TMEM185B: variants seen among roughly 807,000 people sequenced by gnomAD.
TMEM185B encodes the protein transmembrane protein 185B.
TMEM185B carries 9 observed loss-of-function variants against 26.2 expected under a neutral mutation model. The ratio of observed to expected loss-of-function variants is 0.34; its 90% CI spans 0.21 to 0.60. The LOEUF (loss-of-function observed/expected upper bound fraction) is 0.60, where lower values mean the gene tolerates loss of function less well. TMEM185B is among the 20% of genes least tolerant of loss of function. TMEM185B has a pLI of 0.80. For synonymous variants in TMEM185B, 204 were observed against 191.8 expected, an observed-to-expected ratio of 1.06 and a Z score of -0.52; for missense variants, 392 against 447.9, an observed-to-expected ratio of 0.88 and a Z score of 1.13.
rs998904679 is a variant in TMEM185B at position 120,223,381 on chromosome 2, G to A, written c.-405C>T. 6.2e-4 allele frequency: 98 copies of A among 158,264 alleles called. No individual in the cohort carries two copies. The highest frequency in any genetic ancestry group is 1.2e-3 in the Non-Finnish European group (89 of 72,360). 9.8% of individuals were successfully genotyped at this position (158,264 alleles called of 1,614,324 possible). A position where few individuals can be genotyped will look rare whatever the true frequency, so the allele number is the denominator to read the frequency against. ...TGGGCGGACGCTTCCAGGCGACTCC[G>A]GGAACATGGAGGCGGGAGTGAGCTC... On this transcript the variant is annotated 5_prime_UTR_variant, in exon 1 of 1. Transcript: ENST00000426077.
rs910001175 is a variant in TMEM185B, at chr2:120,222,840, G to A, written c.137C>T (p.Pro46Leu). ...IQWSYWAVFAPIWLWKLLVVA... is the reference protein window; with the variant it reads ...IQWSYWAVFALIWLWKLLVVA... ...GACTAGAAGCTTCCACAGCCATATG[G>A]GGGCAAAGACGGCCCAGTAGCTCCA... Residue 46 changes from proline (P) to leucine (L), a missense_variant, in exon 1 of 1, where the codon CCC becomes CTC. Coordinates refer to ENST00000426077, the MANE Select transcript of TMEM185B (RefSeq NM_024121.3). 2 of 1,509,304 alleles carry A rather than the reference G, an allele frequency of 1.3e-6. No individual in the cohort carries two copies. The highest frequency in any genetic ancestry group is 1.8e-6 in the Non-Finnish European group (2 of 1,135,250). The allele number at this position is 1,509,304 out of a possible 1,614,324, so 93.5% of individuals were successfully genotyped here. A position where few individuals can be genotyped will look rare whatever the true frequency, so the allele number is the denominator to read the frequency against.
Position 120,220,693 on chromosome 2 carries a change from C to T in TMEM185B, c.*1231G>A, listed in dbSNP as rs1688572421. 6.6e-6 allele frequency among the ~76,000 whole-genome samples: 1 copy of T among 152,176 alleles called. No individual in the cohort carries two copies. Among genetic ancestry groups the T allele is most frequent in the Non-Finnish European group, 1.5e-5 (1 of 68,036 alleles). On this transcript the variant is annotated 3_prime_UTR_variant, in exon 1 of 1. Coordinates refer to ENST00000426077, the MANE Select transcript of TMEM185B (RefSeq NM_024121.3). ...GCGGCGAGCTGAGATCAAGATTGTG[C>T]CATTGCACTCCAGCCTGGGCAACAA...
Position 120,221,871 on chromosome 2 carries a change from C to G in TMEM185B, c.*53G>C. The G allele has an allele frequency of 7.2e-7, 1 of 1,384,640 alleles. No homozygotes were observed. The highest frequency in any genetic ancestry group is 9.5e-7 in the Non-Finnish European group (1 of 1,048,520). 85.8% of individuals were successfully genotyped at this position (1,384,640 alleles called of 1,614,324 possible). A position where few individuals can be genotyped will look rare whatever the true frequency, so the allele number is the denominator to read the frequency against. ...CATTTCCAGGTTTGGGATGAATGAACAAGAGGCGAAGGCCAAGTGGAGTCT... is the reference window on the plus strand; with the variant it reads ...CATTTCCAGGTTTGGGATGAATGAAGAAGAGGCGAAGGCCAAGTGGAGTCT... On this transcript the variant is annotated 3_prime_UTR_variant, in exon 1 of 1. Coordinates refer to ENST00000426077, the MANE Select transcript of TMEM185B (RefSeq NM_024121.3).
chr2:120,223,291 AC>A lies in TMEM185B; in HGVS notation c.-316del, dbSNP rs1688628908. 1 of 210,596 alleles carries A rather than the reference AC, an allele frequency of 4.7e-6. No individual in the cohort carries two copies. Among genetic ancestry groups the A allele is most frequent in the African/African-American group, 2.3e-5 (1 of 43,526 alleles). 13.0% of individuals were successfully genotyped at this position (210,596 alleles called of 1,614,324 possible). ...TTCACTCCGTACCCATCAAGAAGGC[AC>A]CTAATGCGTGTGGGGCCCGAAGGGG... On this transcript the variant is annotated 5_prime_UTR_variant, in exon 1 of 1. Transcript: ENST00000426077.
Position 120,220,226 on chromosome 2 carries a change from G to A in TMEM185B, c.*1698C>T, listed in dbSNP as rs1688564017. 6.6e-6 allele frequency among the ~76,000 whole-genome samples: 1 copy of A among 152,238 alleles called. No homozygotes were observed. The highest frequency in any genetic ancestry group is 1.5e-5 in the Non-Finnish European group (1 of 68,048). The stretch of plus-strand genomic sequence containing the variant: ...CCAAACCCAACAAGTTTGCCTCATG[G>A]CCAGGGCAAAGTGTGTGGAGCCCAT... On this transcript the variant is annotated 3_prime_UTR_variant, in exon 1 of 1. Coordinates refer to ENST00000426077, the MANE Select transcript of TMEM185B (RefSeq NM_024121.3).
At position 120,223,019 on chromosome 2, in the gene TMEM185B, A is replaced by G; in HGVS notation, c.-43T>C. On this transcript the variant is annotated 5_prime_UTR_variant, in exon 1 of 1. Transcript: ENST00000426077. ...GCCTGCCCGGGCCTGCTCCCTCGCG[A>G]CGCTCGGCGCTCGCGTCTCCGCGGC... 7.5e-7 allele frequency: 1 copy of G among 1,327,072 alleles called. No individual in the cohort carries two copies. Among genetic ancestry groups the G allele is most frequent in the Non-Finnish European group, 9.6e-7 (1 of 1,036,490 alleles). The allele number at this position is 1,327,072 out of a possible 1,614,324, so 82.2% of individuals were successfully genotyped here.
rs893069992 is a variant in TMEM185B at position 120,218,501 on chromosome 2, A to G, written c.*3423T>C. 2.2e-4 allele frequency among the ~76,000 whole-genome samples: 34 copies of G among 152,342 alleles called. No individual in the cohort carries two copies. Among genetic ancestry groups the G allele is most frequent in the African/African-American group, 8.2e-4 (34 of 41,584 alleles). Reference sequence around the variant, plus strand: ...TCCCAACAGCTTCCTTCACTGAGTCAGGGCCCTGGCAGGGCCAGGTGGGGA... The same window carrying G: ...TCCCAACAGCTTCCTTCACTGAGTCGGGGCCCTGGCAGGGCCAGGTGGGGA... On this transcript the variant is annotated 3_prime_UTR_variant, in exon 1 of 1. Transcript: ENST00000426077.
Position 120,222,336 on chromosome 2 carries a change from G to C in TMEM185B, c.641C>G (p.Ala214Gly). The C allele has an allele frequency of 6.5e-7, 1 of 1,536,182 alleles. No individual in the cohort carries two copies. The highest frequency in any genetic ancestry group is 2.4e-5 in the East Asian group (1 of 40,910). Reference sequence around the variant, plus strand: ...CACGACAATCGTTATCCAACTGATAGCCATGGTCACGTGTGTTCTCCGCTG... The same window carrying C: ...CACGACAATCGTTATCCAACTGATACCCATGGTCACGTGTGTTCTCCGCTG... ...AEQRRTHVTMAISWITIVVPL... is the reference protein window; with the variant it reads ...AEQRRTHVTMGISWITIVVPL... The change falls in exon 1 of 1, where the codon GCT becomes GGT. Residue 214 changes from alanine (A) to glycine (G), a missense_variant. Ala to Gly is a moderately conservative substitution (Grantham distance 60). This residue lies in a region of TMEM185B where 176 missense variants were observed against 201.6 expected (regional missense o/e 0.87). Coordinates refer to ENST00000426077, the MANE Select transcript of TMEM185B (RefSeq NM_024121.3).
In TMEM185B at chr2:120,222,392, C is replaced by G; in HGVS notation, c.585G>C (p.Leu195=). 6.5e-7 allele frequency: 1 copy of G among 1,536,204 alleles called. No homozygotes were observed. Residue 195 remains leucine, a synonymous_variant, in exon 1 of 1, where the codon CTG becomes CTC. Transcript: ENST00000426077. ...VVLYYIVWSL[L]FLRSLDVVAE... ...CAACCACATCCAGGGACCGCAGGAA[C>G]AGGAGGGACCAGACGATGTAATAGA...
In TMEM185B at chr2:120,223,025, G is replaced by T; in HGVS notation, c.-49C>A. Reference sequence around the variant, plus strand: ...CCGGGCCTGCTCCCTCGCGACGCTCGGCGCTCGCGTCTCCGCGGCTTCTCC... The same window carrying T: ...CCGGGCCTGCTCCCTCGCGACGCTCTGCGCTCGCGTCTCCGCGGCTTCTCC... On this transcript the variant is annotated 5_prime_UTR_variant, in exon 1 of 1. Coordinates refer to ENST00000426077, the MANE Select transcript of TMEM185B (RefSeq NM_024121.3). 7.7e-7 allele frequency: 1 copy of T among 1,296,302 alleles called. No individual in the cohort carries two copies. The highest frequency in any genetic ancestry group is 9.8e-7 in the Non-Finnish European group (1 of 1,017,676). The allele number at this position is 1,296,302 out of a possible 1,614,324, so 80.3% of individuals were successfully genotyped here.
In TMEM185B at chr2:120,220,331, CTTTT is replaced by C. The variant is rs1688565260; in HGVS notation, c.*1589_*1592del. 6.6e-6 allele frequency among the ~76,000 whole-genome samples: 1 copy of C among 152,218 alleles called. No individual in the cohort carries two copies. The highest frequency in any genetic ancestry group is 2.1e-4 in the South Asian group (1 of 4,828). On this transcript the variant is annotated 3_prime_UTR_variant, in exon 1 of 1. Transcript: ENST00000426077. Reference sequence around the variant, plus strand: ...CTCTGCAGTAATAACACCTACACTCCTTTTTGTTTCGACCTCCTTTCGAAAGTAT... The same window carrying C: ...CTCTGCAGTAATAACACCTACACTCCTGTTTCGACCTCCTTTCGAAAGTAT...
rs761626469 is a variant in TMEM185B, at chr2:120,218,286, G to C, written c.*3638C>G. On this transcript the variant is annotated 3_prime_UTR_variant, in exon 1 of 1. Coordinates refer to ENST00000426077, the MANE Select transcript of TMEM185B (RefSeq NM_024121.3). Reference sequence around the variant, plus strand: ...GCTGAGGAAGTACTCGCAGCAGCAGGGGTGCAGCTGGAGGCTCCCTTTTTG... The same window carrying C: ...GCTGAGGAAGTACTCGCAGCAGCAGCGGTGCAGCTGGAGGCTCCCTTTTTG... Among the ~76,000 whole-genome samples the C allele has an allele frequency of 6.6e-6, 1 of 152,198 alleles. No homozygotes were observed.
Position 120,219,841 on chromosome 2 carries a change from T to C in TMEM185B, c.*2083A>G, listed in dbSNP as rs1043931902. Among the ~76,000 whole-genome samples the C allele has an allele frequency of 4.6e-5, 7 of 152,260 alleles. No homozygotes were observed. The highest frequency in any genetic ancestry group is 2.1e-4 in the South Asian group (1 of 4,832). The stretch of plus-strand genomic sequence containing the variant: ...TTCTCACCGTACAGGACACTTTGCA[T>C]GGGCAGGGCTGTTTGCTCTCCACTG... On this transcript the variant is annotated 3_prime_UTR_variant, in exon 1 of 1. Coordinates refer to ENST00000426077, the MANE Select transcript of TMEM185B (RefSeq NM_024121.3).
In TMEM185B at chr2:120,222,023, A is replaced by C. The variant is rs1322370572; in HGVS notation, c.954T>G (p.Ile318Met). 6.5e-7 allele frequency: 1 copy of C among 1,542,974 alleles called. No homozygotes were observed. Among genetic ancestry groups the C allele is most frequent in the Non-Finnish European group, 8.7e-7 (1 of 1,146,942 alleles). Residue 318 changes from isoleucine (I) to methionine (M), a missense_variant, in exon 1 of 1, where the codon ATT becomes ATG. This residue lies in a region of TMEM185B where 176 missense variants were observed against 201.6 expected (regional missense o/e 0.87). Transcript: ENST00000426077. ...TGGCCTTCTTTCCAAATATTGGAGCAATTTTCGGAGCTTCTGGAACTGATG... is the reference window on the plus strand; with the variant it reads ...TGGCCTTCTTTCCAAATATTGGAGCCATTTTCGGAGCTTCTGGAACTGATG... Reference protein sequence around the residue: ...EETSVPEAPKIAPIFGKKARV... With the variant: ...EETSVPEAPKMAPIFGKKARV...
rs564693128 is a variant in TMEM185B, at chr2:120,220,765, A to G, written c.*1159T>C. ...CAAAACAAAACAAACAAACAAAAAA[A>G]CAAAAGAAAAGAAAAAAGAAACACT... On this transcript the variant is annotated 3_prime_UTR_variant, in exon 1 of 1. Coordinates refer to ENST00000426077, the MANE Select transcript of TMEM185B (RefSeq NM_024121.3). 6.6e-6 allele frequency among the ~76,000 whole-genome samples: 1 copy of G among 152,342 alleles called. No individual in the cohort carries two copies. The highest frequency in any genetic ancestry group is 6.5e-5 in the Admixed American group (1 of 15,304).
rs559320933 is a variant in TMEM185B, at chr2:120,221,761, T to C, written c.*163A>G. 4.0e-5 allele frequency: 26 copies of C among 653,422 alleles called. No individual in the cohort carries two copies. Among genetic ancestry groups the C allele is most frequent in the Middle Eastern group, 4.2e-4 (1 of 2,362 alleles). The allele number at this position is 653,422 out of a possible 1,614,324, so 40.5% of individuals were successfully genotyped here. On this transcript the variant is annotated 3_prime_UTR_variant, in exon 1 of 1. Coordinates refer to ENST00000426077, the MANE Select transcript of TMEM185B (RefSeq NM_024121.3). ...CAGGTACACATCACACACACCCACA[T>C]ACTGAAACCACCTCCATCTATGATG...
In TMEM185B at chr2:120,221,691, C is replaced by A; in HGVS notation, c.*233G>T. On this transcript the variant is annotated 3_prime_UTR_variant, in exon 1 of 1. Coordinates refer to ENST00000426077, the MANE Select transcript of TMEM185B (RefSeq NM_024121.3). Reference sequence around the variant, plus strand: ...ACTAAAACAATTCGACTTACTGCCCCCAGCTACACCTGAAAGTGCGAACCT... The same window carrying A: ...ACTAAAACAATTCGACTTACTGCCCACAGCTACACCTGAAAGTGCGAACCT... 1 of 530,438 alleles carries A rather than the reference C, an allele frequency of 1.9e-6. No homozygotes were observed. Among genetic ancestry groups the A allele is most frequent in the Non-Finnish European group, 3.3e-6 (1 of 302,358 alleles). 32.9% of individuals were successfully genotyped at this position (530,438 alleles called of 1,614,324 possible).
chr2:120,222,680 G>C lies in TMEM185B; in HGVS notation c.297C>G (p.Val99=). ...CCCTCTCCACCCTGTCGCAGACCAG[G>C]ACTTCGAACATGAGCAGCAGCAGGT... ...GIHLLLLMFE[V]LVCDRVERGT... Residue 99 remains valine (V), a synonymous_variant, in exon 1 of 1, where the codon GTC becomes GTG. Coordinates refer to ENST00000426077, the MANE Select transcript of TMEM185B (RefSeq NM_024121.3). 2 of 1,536,546 alleles carry C rather than the reference G, an allele frequency of 1.3e-6. No individual in the cohort carries two copies. Among genetic ancestry groups the C allele is most frequent in the Non-Finnish European group, 1.7e-6 (2 of 1,147,016 alleles).
At position 120,221,895 on chromosome 2, in the gene TMEM185B, C is replaced by A; in HGVS notation, c.*29G>T. On this transcript the variant is annotated 3_prime_UTR_variant, in exon 1 of 1. Coordinates refer to ENST00000426077, the MANE Select transcript of TMEM185B (RefSeq NM_024121.3). ...ACAAGAGGCGAAGGCCAAGTGGAGT[C>A]TGTGTGTGCCTGGGTCCTCTCTAGG... The A allele has an allele frequency of 1.4e-6, 2 of 1,468,516 alleles. No individual in the cohort carries two copies. The highest frequency in any genetic ancestry group is 1.8e-6 in the Non-Finnish European group (2 of 1,112,358). The allele number at this position is 1,468,516 out of a possible 1,614,324, so 91.0% of individuals were successfully genotyped here.
Sources: allele counts gnomAD v4.1 joint callset (sites outside exome capture counted in the v4.1 genomes callset), GRCh38; gene constraint gnomAD v4.1.1; regional missense constraint gnomAD v4.1.1; transcripts MANE v1.5; gene names NCBI Gene and HGNC (gene_info 2026-07-23, HGNC 2026-07-21).